The following DMD variants were observed in gnomAD, a reference collection of about 807,000 sequenced individuals.
DMD encodes the protein dystrophin.
In DMD, 63 loss-of-function variants were observed where a neutral mutation model predicts 330.1. The observed-to-expected ratio is 0.19, with a 90% CI of 0.16 to 0.24. The LOEUF (loss-of-function observed/expected upper bound fraction) is 0.24, where lower values mean the gene tolerates loss of function less well. DMD is among the 10% of genes least tolerant of loss of function. DMD has a pLI of 1.00. For missense variants in DMD, 3,344 were observed against 2,684.1 expected (o/e 1.25, Z -5.43); for synonymous variants, 1,223 against 959.8 (o/e 1.27, Z -5.07).
intron 45 of DMD, among the ~76,000 whole-genome samples, chrX:31,941,647 C>A (rs1411956479): frequency 1.8e-5 from 2 of 111,663 alleles, no homozygotes; most frequent in Admixed American, 9.5e-5. Context: ...GATCCCACCA[C>A]ACACAGGTAG....
intron 60 of DMD, among the ~76,000 whole-genome samples, chrX:31,354,804 T>C (rs2058589923): frequency 8.9e-6 from 1 of 112,329 alleles, no homozygotes; most frequent in East Asian, 2.8e-4. Context: ...GCCTAGTACA[T>C]AGAAGATGAT....
chrX:32,940,613 G>T (rs1431135336), intron 2 of DMD, among the ~76,000 whole-genome samples: 1 of 111,442 alleles, frequency 9.0e-6, no homozygotes, highest in Non-Finnish European at 1.9e-5. Flanking sequence ...GTGGAAGAAT[G>T]AAACTGGATC....
chrX:32,260,244 G>A (rs2097316413), intron 43 of DMD, among the ~76,000 whole-genome samples: 1 of 111,100 alleles, frequency 9.0e-6, no homozygotes, highest in African/African-American at 3.3e-5. Flanking sequence ...TTTCAATGTT[G>A]ACATGGCAGA....
intron 58 of DMD, 113 bp downstream of exon 58, chrX:31,478,870 T>C (rs1337574569): frequency 1.2e-6 from 1 of 842,812 alleles, no homozygotes; most frequent in Admixed American, 3.1e-5. Flanking sequence ...ATTGATTCTA[T>C]TTAACCAAGA....
rs185511067 is a variant in DMD at position 32,901,346 on chromosome X, C to T, written c.94-51526G>A. Among the ~76,000 whole-genome samples the T allele has an allele frequency of 6.7e-3, 749 of 111,462 alleles. 14 individuals are homozygous for T. Among genetic ancestry groups the T allele is most frequent in the Middle Eastern group, 0.057 (12 of 210 alleles). ...TGTACAGTCTGAAAAGGTTAATTTT[C>T]TTCTTTAAAAATTTCAACACTTTGA... On this transcript the variant is annotated intron_variant, in intron 2 of 78. Coordinates refer to ENST00000357033, the MANE Select transcript of DMD (RefSeq NM_004006.3).
chrX:32,331,184 C>T (rs181695121), intron 41 of DMD, among the ~76,000 whole-genome samples: 2 of 111,634 alleles, frequency 1.8e-5, no homozygotes, highest in Admixed American at 1.9e-4. Flanking sequence ...TAACTGATAT[C>T]TGTAATCATT....
intron 44 of DMD, among the ~76,000 whole-genome samples, chrX:32,044,584 G>A (rs766708380): frequency 1.1e-3 from 119 of 109,979 alleles, no homozygotes; most frequent in Non-Finnish European, 1.7e-3. Flanking sequence ...ACCATGCCCA[G>A]CTAATTTTTT....
intron 1 of DMD, among the ~76,000 whole-genome samples, chrX:33,173,871 G>A (rs1459401222): frequency 9.1e-6 from 1 of 109,960 alleles, no homozygotes; most frequent in Non-Finnish European, 1.9e-5. Context: ...AAACGATAAA[G>A]TGATAAAATT....
At chrX:33,188,970 C>T (rs1287931297) in intron 1 of DMD, among the ~76,000 whole-genome samples, 2 of 111,664 alleles carry the variant, frequency 1.8e-5, no homozygotes, top group African/African-American at 6.5e-5. Flanking sequence ...TATACCTAGC[C>T]TTTACTACTG....
At chrX:31,984,316 A>C (rs2095495938) in intron 44 of DMD, among the ~76,000 whole-genome samples, 1 of 112,309 alleles carries the variant, frequency 8.9e-6, no homozygotes, top group African/African-American at 3.2e-5. Flanking sequence ...CCTAGATTAG[A>C]TTACATGTTT....
chrX:32,845,461 T>G (rs975007100), intron 3 of DMD, among the ~76,000 whole-genome samples: 7 of 112,075 alleles, frequency 6.2e-5, no homozygotes, highest in Admixed American at 9.5e-5. Flanking sequence ...GTTGTAGAGT[T>G]TTAGAAATTC....
At chrX:33,009,085 TA>T (rs2093489931) in intron 2 of DMD, among the ~76,000 whole-genome samples, 1 of 22,191 alleles carries the variant, frequency 4.5e-5, no homozygotes, top group Non-Finnish European at 1.5e-4. Context: ...CATATATGTG[TA>T]TATATACGTA....
At chrX:32,797,124 G>C (rs1263288573) in intron 7 of DMD, among the ~76,000 whole-genome samples, 4 of 110,674 alleles carry the variant, frequency 3.6e-5, no homozygotes, top group Non-Finnish European at 7.6e-5. Context: ...TTTTTTGTTT[G>C]TTTTTGTGGG....
intron 2 of DMD, among the ~76,000 whole-genome samples, chrX:32,930,128 G>A (rs1253008840): frequency 9.0e-6 from 1 of 110,610 alleles, no homozygotes; most frequent in East Asian, 2.8e-4. Flanking sequence ...CCTACAGTTG[G>A]GAAAAAAATC....
At chrX:32,645,494 T>C (rs1051855972) in intron 9 of DMD, among the ~76,000 whole-genome samples, 1 of 112,138 alleles carries the variant, frequency 8.9e-6, no homozygotes, top group Non-Finnish European at 1.9e-5. Context: ...TTATAATAAC[T>C]TACATATACA....
At chrX:33,004,664 GA>G (rs1197125212) in intron 2 of DMD, among the ~76,000 whole-genome samples, 1 of 110,011 alleles carries the variant, frequency 9.1e-6, no homozygotes, top group African/African-American at 3.3e-5. Flanking sequence ...TCCAACTCCA[GA>G]AAAAAATACT....
intron 7 of DMD, among the ~76,000 whole-genome samples, chrX:32,807,122 T>TTAAAAAAAAAAAAAAAAAAAAAAAA (rs1345640031): frequency 4.8e-5 from 1 of 20,741 alleles, no homozygotes; most frequent in African/African-American, 2.2e-4. Context: ...CGGAAACATT[T>TTAAAAAAAAAAAAAAAAAAAAAAAA]AAAAAAAAAA....
intron 1 of DMD, among the ~76,000 whole-genome samples, chrX:33,133,224 A>G (rs944682241): frequency 9.0e-6 from 1 of 111,501 alleles, no homozygotes; most frequent in African/African-American, 3.3e-5. Context: ...CCTAGCACCT[A>G]TATGTAGTAG....
rs774481726 is a variant in DMD at position 32,602,910 on chromosome X, A to C, written c.1483-7034T>G. Among the ~76,000 whole-genome samples the C allele has an allele frequency of 3.1e-3, 343 of 111,519 alleles. 2 individuals are homozygous for C. Among genetic ancestry groups the C allele is most frequent in the African/African-American group, 1.0e-2 (308 of 30,815 alleles). On this transcript the variant is annotated intron_variant, in intron 12 of 78. Transcript: ENST00000357033. Reference sequence around the variant, plus strand: ...ATGGTCTCAAAGGCAGACAGGTCAAAGTTAAAATCAGAATCTACCAATTAA... The same window carrying C: ...ATGGTCTCAAAGGCAGACAGGTCAACGTTAAAATCAGAATCTACCAATTAA...
Sources: gnomAD v4.1 joint callset for allele counts (sites outside exome capture counted in the v4.1 genomes callset) on GRCh38, gnomAD v4.1.1 for gene constraint, MANE v1.5 for transcripts, NCBI Gene and HGNC (gene_info 2026-07-23, HGNC 2026-07-21) for gene names.